TFCP2: variants seen among roughly 807,000 people sequenced by gnomAD.
TFCP2 encodes the protein alpha-globin transcription factor CP2.
In TFCP2, 33 loss-of-function variants were observed where a neutral mutation model predicts 73.4. The ratio of observed to expected loss-of-function variants is 0.45; its 90% CI spans 0.34 to 0.60. The LOEUF is 0.60. Among genes scored for constraint, TFCP2 ranks in the 20% least tolerant of loss-of-function variants. The pLI, the probability that TFCP2 is intolerant of heterozygous loss-of-function variation, is 0.01. For synonymous variants in TFCP2, 193 were observed against 211.6 expected, an observed-to-expected ratio of 0.91 and a Z score of 0.76; for missense variants, 352 against 604.0, an observed-to-expected ratio of 0.58 and a Z score of 4.37.
intron 3 of TFCP2, 94 bp downstream of exon 3, chr12:51,117,577 G>A (rs1940561173): frequency 1.0e-6 from 1 of 962,824 alleles, no homozygotes; most frequent in Non-Finnish European, 1.6e-6. Flanking sequence ...TTAAGCCATT[G>A]GAAGCAAAAG....
intron 1 of TFCP2, among the ~76,000 whole-genome samples, chr12:51,124,194 C>G (rs1011044599): frequency 5.3e-5 from 8 of 151,814 alleles, no homozygotes; most frequent in African/African-American, 1.9e-4. Context: ...TTCCTGGGTT[C>G]AAGGGATCCT....
At chr12:51,151,969 G>C (rs1167341116) in intron 1 of TFCP2, among the ~76,000 whole-genome samples, 1 of 152,098 alleles carries the variant, frequency 6.6e-6, no homozygotes, top group Admixed American at 6.6e-5. Flanking sequence ...AAAATCACTT[G>C]GCAACGATCA....
At position 51,121,361 on chromosome 12, in the gene TFCP2, G is replaced by A. The variant is rs1484657189; in HGVS notation, c.123-2589C>T. Among the ~76,000 whole-genome samples the A allele has an allele frequency of 2.0e-5, 3 of 151,596 alleles. No homozygotes were observed. The East Asian group carries it at 5.9e-4, about 30-fold the overall frequency. On this transcript the variant is annotated intron_variant, in intron 1 of 14. Coordinates refer to ENST00000257915, the MANE Select transcript of TFCP2 (RefSeq NM_005653.5). ...TTGAACCTGGGAGGTGGAGGTTGCA[G>A]TGAGCCAAGATCGTACCACTGCACT... is the stretch of plus-strand genomic sequence containing the variant.
At position 51,145,238 on chromosome 12, in the gene TFCP2, T is replaced by C. The variant is rs1181509584; in HGVS notation, c.123-26466A>G. Among the ~76,000 whole-genome samples, 169 of 147,992 alleles carry C rather than the reference T, an allele frequency of 1.1e-3. 1 individual carries two copies. Among genetic ancestry groups the C allele is most frequent in the Non-Finnish European group, 8.9e-4 (60 of 67,422 alleles). The stretch of plus-strand genomic sequence containing the variant: ...AAAAAAACTAAATACAAAAATTAGC[T>C]GCGTATGGTGGTGCACACCTGTAAT... On this transcript the variant is annotated intron_variant, in intron 1 of 14. Transcript: ENST00000257915.
At chr12:51,137,986 T>G (rs201001910) in intron 1 of TFCP2, among the ~76,000 whole-genome samples, 1 of 152,194 alleles carries the variant, frequency 6.6e-6, no homozygotes, top group African/African-American at 2.4e-5. Context: ...CTCTCTATAC[T>G]TGAGAGTTCT....
chr12:51,155,668 T>G (rs529952608), intron 1 of TFCP2, among the ~76,000 whole-genome samples: 2 of 152,214 alleles, frequency 1.3e-5, no homozygotes, highest in Non-Finnish European at 2.9e-5. Context: ...TTGGTCATGG[T>G]GTATAATCCT....
intron 13 of TFCP2, among the ~76,000 whole-genome samples, chr12:51,097,301 T>C (rs940080733): frequency 2.6e-5 from 4 of 151,932 alleles, no homozygotes; most frequent in African/African-American, 7.3e-5. Flanking sequence ...TAGGCTGGAG[T>C]GCGGTGGCGC....
chr12:51,134,159 C>T (rs1453091599), intron 1 of TFCP2, among the ~76,000 whole-genome samples: 1 of 152,152 alleles, frequency 6.6e-6, no homozygotes, highest in East Asian at 1.9e-4. Flanking sequence ...TTTTCAACAT[C>T]TTGAAACACC....
At chr12:51,151,145 A>G (rs1372972954) in intron 1 of TFCP2, among the ~76,000 whole-genome samples, 2 of 152,208 alleles carry the variant, frequency 1.3e-5, no homozygotes, top group Non-Finnish European at 2.9e-5. Flanking sequence ...ATGCAAAGAC[A>G]CTGAGGTGAG....
chr12:51,170,940 A>C (rs1035788950), intron 1 of TFCP2, among the ~76,000 whole-genome samples: 1 of 152,104 alleles, frequency 6.6e-6, no homozygotes, highest in Non-Finnish European at 1.5e-5. Context: ...AGCCTACCAA[A>C]GTGCTGGGAT....
At chr12:51,156,075 A>G (rs1266505607) in intron 1 of TFCP2, among the ~76,000 whole-genome samples, 1 of 151,616 alleles carries the variant, frequency 6.6e-6, no homozygotes, top group African/African-American at 2.4e-5. Context: ...AAAAAAAGAA[A>G]GAACTATTAG....
At chr12:51,170,223 T>C (rs1230951299) in intron 1 of TFCP2, among the ~76,000 whole-genome samples, 41 of 152,170 alleles carry the variant, frequency 2.7e-4, no homozygotes, top group Non-Finnish European at 2.9e-5. Context: ...AAGTTAAATT[T>C]CTCATGACTA....
chr12:51,172,279 G>T, intron 1 of TFCP2, 22 bp downstream of exon 1: 1 of 1,613,552 alleles, frequency 6.2e-7, no homozygotes, highest in Non-Finnish European at 8.5e-7. Flanking sequence ...GAAGGTGTAG[G>T]GTCTGGGAAA....
At chr12:51,157,681 C>CTTTTTTTTTTTTTTTTTTTTTTTTT (rs770963610) in intron 1 of TFCP2, among the ~76,000 whole-genome samples, 3 of 77,288 alleles carry the variant, frequency 3.9e-5, no homozygotes, top group Admixed American at 1.7e-4. Context: ...TTTTTCTTTT[C>CTTTTTTTTTTTTTTTTTTTTTTTTT]TTTTCTTTTT....
chr12:51,124,406 T>C (rs1176909449), intron 1 of TFCP2, among the ~76,000 whole-genome samples: 1 of 152,162 alleles, frequency 6.6e-6, no homozygotes, highest in Non-Finnish European at 1.5e-5. Flanking sequence ...TGGTTATTTT[T>C]TTCTTTTCTT....
At chr12:51,144,042 T>A (rs752986807) in intron 1 of TFCP2, among the ~76,000 whole-genome samples, 15 of 151,596 alleles carry the variant, frequency 9.9e-5, no homozygotes, top group East Asian at 1.9e-4. Context: ...TTAAAAAAAA[T>A]TTTTTTTTGA....
At chr12:51,136,082 G>A (rs1447152663) in intron 1 of TFCP2, among the ~76,000 whole-genome samples, 4 of 151,914 alleles carry the variant, frequency 2.6e-5, no homozygotes, top group Non-Finnish European at 2.9e-5. Flanking sequence ...TGAGGTGGGC[G>A]GATCATGTGG....
At position 51,104,198 on chromosome 12, in the gene TFCP2, C is replaced by T; in HGVS notation, c.923G>A (p.Gly308Asp). Residue 308 changes from glycine (G) to aspartate (D), a missense_variant, in exon 9 of 15, where the codon GGT becomes GAT. Transcript: ENST00000257915. ...TGGCTCTGGCTGGTGGTTTGGTGAA[C>T]CATTTCTAAAGAAACATTTAAAATG... ...HSSFSLGEGN[G>D]SPNHQPEPPP... 2 of 1,613,730 alleles carry T rather than the reference C, an allele frequency of 1.2e-6. No individual in the cohort carries two copies. Among genetic ancestry groups the T allele is most frequent in the Non-Finnish European group, 1.7e-6 (2 of 1,179,856 alleles).
chr12:51,118,740 T>C lies in TFCP2; in HGVS notation c.155A>G (p.Glu52Gly), dbSNP rs1275614698. The C allele has an allele frequency of 6.2e-7, 1 of 1,614,170 alleles. No homozygotes were observed. Among genetic ancestry groups the C allele is most frequent in the Admixed American group, 1.7e-5 (1 of 60,010 alleles). Residue 52 changes from glutamate (E) to glycine (G), a missense_variant, in exon 2 of 15, where the codon GAA (glutamate) becomes GGA (glycine). Physicochemically the swap from Glu to Gly is moderately conservative, Grantham distance 98. Transcript: ENST00000257915. ...ATTATCAGGAGGCAAACTCGACTCT[T>C]CTTGCTTAAAAATGGGCAATGCAAG... ...DVLALPIFKQ[E>G]ESSLPPDNEN...
Sources: gnomAD v4.1 joint callset for allele counts (sites outside exome capture counted in the v4.1 genomes callset) on GRCh38, gnomAD v4.1.1 for gene constraint, MANE v1.5 for transcripts, NCBI Gene and HGNC (gene_info 2026-07-23, HGNC 2026-07-21) for gene names.